FBXO4: variants seen among roughly 807,000 people sequenced by gnomAD.
The protein encoded by FBXO4 is F-box only protein 4.
A neutral mutation model predicts 43.7 loss-of-function variants in FBXO4; 36 were observed. The ratio of observed to expected loss-of-function variants is 0.82; its 90% CI spans 0.63 to 1.09. FBXO4 has a LOEUF of 1.09. Among genes scored for constraint, FBXO4 ranks in the 50% least tolerant of loss-of-function variants. FBXO4 has a pLI of 0.00. For synonymous variants in FBXO4, 180 were observed against 165.6 expected (o/e 1.09, Z -0.67); for missense variants, 435 against 474.1 (o/e 0.92, Z 0.77).
At chr5:41,968,333 G>T in the FBXO4 span, 3 of 154,534 alleles carry the variant, frequency 1.9e-5, no homozygotes, top group South Asian at 1.8e-4. Flanking sequence ...ATCAGCCGGC[G>T]ACCAACGCTG....
chr5:41,973,067 C>T, the FBXO4 span, among the ~76,000 whole-genome samples: 2 of 152,112 alleles, frequency 1.3e-5, no homozygotes, highest in Admixed American at 1.3e-4. Context: ...CAAAAGTTGA[C>T]AAGTGGGACT....
At chr5:42,007,567 A>C in the FBXO4 span, among the ~76,000 whole-genome samples, 2 of 152,142 alleles carry the variant, frequency 1.3e-5, no homozygotes, top group Non-Finnish European at 2.9e-5. Flanking sequence ...ACACTCCTTG[A>C]TTAATCTGAG....
chr5:41,954,676 T>A, the FBXO4 span, among the ~76,000 whole-genome samples: 21 of 152,248 alleles, frequency 1.4e-4, no homozygotes, highest in Admixed American at 1.4e-3. Flanking sequence ...ATTTTTTCAG[T>A]GTGCTTTTCA....
chr5:42,021,189 TAAG>T, the FBXO4 span, among the ~76,000 whole-genome samples: 2 of 152,120 alleles, frequency 1.3e-5, no homozygotes, highest in African/African-American at 4.8e-5. Context: ...TAAAATCGGA[TAAG>T]AGTTGAAGGA....
At chr5:41,964,935 G>A in the FBXO4 span, among the ~76,000 whole-genome samples, 1 of 152,086 alleles carries the variant, frequency 6.6e-6, no homozygotes, top group Non-Finnish European at 1.5e-5. Flanking sequence ...TGCTTTTGGT[G>A]TTTTAGACAT....
At chr5:42,024,504 C>T in the FBXO4 span, among the ~76,000 whole-genome samples, 2 of 151,902 alleles carry the variant, frequency 1.3e-5, no homozygotes, top group Admixed American at 6.6e-5. Context: ...ATAATAATTA[C>T]ATCATGGAAA....
At chr5:41,936,904 G>GT (rs200215201) in intron 5 of FBXO4, among the ~76,000 whole-genome samples, 2,007 of 147,666 alleles carry the variant, frequency 0.014, 77 homozygotes, top group Admixed American at 0.077. Flanking sequence ...CAGTTTTTTT[G>GT]TTTTTTTTTT....
Position 41,939,431 on chromosome 5 carries a change from C to T in FBXO4, c.899-10C>T, listed in dbSNP as rs751506047. The T allele has an allele frequency of 6.3e-7, 1 of 1,584,040 alleles. No homozygotes were observed. Among genetic ancestry groups the T allele is most frequent in the Admixed American group, 1.8e-5 (1 of 56,006 alleles). On this transcript the variant is annotated splice_polypyrimidine_tract_variant and intron_variant, in intron 5 of 6. Transcript: ENST00000281623. Reference sequence around the variant, plus strand: ...AATGCAAATTAAGGGTTTTGACTTACATTCCTTAGGACATGAATGGCAAGA... The same window carrying T: ...AATGCAAATTAAGGGTTTTGACTTATATTCCTTAGGACATGAATGGCAAGA...
the FBXO4 span, chr5:41,951,203 A>G: frequency 6.3e-6 from 1 of 158,376 alleles, no homozygotes; most frequent in African/African-American, 2.4e-5. Flanking sequence ...CCAGAACTTA[A>G]AGTATAATGA....
intron 6 of FBXO4, 43 bp downstream of exon 6, chr5:41,939,659 C>A: frequency 6.9e-7 from 1 of 1,455,906 alleles, no homozygotes; most frequent in Non-Finnish European, 9.3e-7. Context: ...TTATTTTGCA[C>A]TCTATTTTCT....
chr5:42,033,579 G>T, the FBXO4 span, among the ~76,000 whole-genome samples: 1 of 151,902 alleles, frequency 6.6e-6, no homozygotes, highest in Admixed American at 6.6e-5. Flanking sequence ...GGTTTGTGTT[G>T]TTCCCCTTCC....
At chr5:41,934,467 G>T (rs1011074208) in intron 5 of FBXO4, 159 bp downstream of exon 5, 2 of 1,460,268 alleles carry the variant, frequency 1.4e-6, no homozygotes. Flanking sequence ...TCACACTTTT[G>T]TGTGTATTAG....
the FBXO4 span, among the ~76,000 whole-genome samples, chr5:42,002,977 A>C: frequency 3.9e-5 from 6 of 152,202 alleles, no homozygotes; most frequent in Non-Finnish European, 8.8e-5. Context: ...TAATGGCACA[A>C]TATATGTTGG....
intron 3 of FBXO4, among the ~76,000 whole-genome samples, chr5:41,933,001 AC>A (rs1486742598): frequency 1.3e-5 from 2 of 152,296 alleles, no homozygotes; most frequent in Admixed American, 1.3e-4. Context: ...TTTACTAGTC[AC>A]CCTACTAGGA....
chr5:41,958,677 C>G, the FBXO4 span, among the ~76,000 whole-genome samples: 1 of 152,126 alleles, frequency 6.6e-6, no homozygotes, highest in African/African-American at 2.4e-5. Context: ...GCTTATTTCA[C>G]TTAATATAAT....
At chr5:41,960,241 T>TAACA in the FBXO4 span, among the ~76,000 whole-genome samples, 3 of 152,082 alleles carry the variant, frequency 2.0e-5, no homozygotes, top group Admixed American at 6.5e-5. Flanking sequence ...TTATTAGTTT[T>TAACA]AACAGTTTTT....
chr5:41,946,593 A>G (rs1337592540), downstream of FBXO4, among the ~76,000 whole-genome samples: 5 of 152,192 alleles, frequency 3.3e-5, no homozygotes, highest in Non-Finnish European at 7.3e-5. Flanking sequence ...ACAAGTAAGC[A>G]AGCTTAAACA....
the FBXO4 span, among the ~76,000 whole-genome samples, chr5:41,973,175 T>A: frequency 2.0e-5 from 3 of 152,180 alleles, no homozygotes; most frequent in Non-Finnish European, 2.9e-5. Context: ...AGTATACATC[T>A]GACAAAGATC....
the FBXO4 span, among the ~76,000 whole-genome samples, chr5:42,005,089 A>G: frequency 6.6e-6 from 1 of 152,276 alleles, no homozygotes; most frequent in Admixed American, 6.5e-5. Context: ...ACTTTCAGCC[A>G]TTCATGTTCC....
Sources: gnomAD v4.1 joint callset for allele counts (sites outside exome capture counted in the v4.1 genomes callset) on GRCh38, gnomAD v4.1.1 for gene constraint, MANE v1.5 for transcripts, NCBI Gene and HGNC (gene_info 2026-07-23, HGNC 2026-07-21) for gene names.